Variants in TTC7B observed in about 807,000 individuals in gnomAD.
The protein encoded by TTC7B is tetratricopeptide repeat protein 7B.
Under a neutral mutation model 106.8 loss-of-function variants are expected in TTC7B, and 28 were observed. That is an observed-to-expected ratio of 0.26 (90% CI 0.19 to 0.36). The LOEUF (loss-of-function observed/expected upper bound fraction) is 0.36, where lower values mean the gene tolerates loss of function less well. Ranked by LOEUF, TTC7B falls within the 10% of genes least tolerant of loss-of-function variation. TTC7B has a pLI of 1.00. For synonymous variants in TTC7B, 405 were observed against 430.6 expected (o/e 0.94, Z 0.74); for missense variants, 862 against 1,076.4 (o/e 0.80, Z 2.79).
At position 90,600,901 on chromosome 14, in the gene TTC7B, T is replaced by G. The variant is rs1178481386; in HGVS notation, c.1967-7275A>C. ...CTGAACCCTCCCTGATGCATATTCA[T>G]GAGGCTGTGTCTTGGGGTGGAAGTG... is the stretch of plus-strand genomic sequence containing the variant. On this transcript the variant is annotated intron_variant, in intron 17 of 19. Transcript: ENST00000328459. The surrounding 1 kb of genome is among the most constrained non-coding windows in gnomAD (Gnocchi z 4.3). 6.6e-6 allele frequency among the ~76,000 whole-genome samples: 1 copy of G among 152,166 alleles called. No individual in the cohort carries two copies. The highest frequency in any genetic ancestry group is 1.5e-5 in the Non-Finnish European group (1 of 68,026).
At chr14:90,613,795 G>A (rs957497664) in intron 16 of TTC7B, among the ~76,000 whole-genome samples, 1 of 152,280 alleles carries the variant, frequency 6.6e-6, no homozygotes, top group African/African-American at 2.4e-5. Flanking sequence ...TTGTAGTAGA[G>A]CGAAAGGAAA....
At chr14:90,651,250 A>T (rs916609065) in intron 13 of TTC7B, among the ~76,000 whole-genome samples, 1 of 152,266 alleles carries the variant, frequency 6.6e-6, no homozygotes, top group Non-Finnish European at 1.5e-5. Flanking sequence ...TTGAAATAAA[A>T]TGAAAAACAT....
At chr14:90,804,917 C>G (rs1050774903) in intron 1 of TTC7B, among the ~76,000 whole-genome samples, 5 of 152,192 alleles carry the variant, frequency 3.3e-5, no homozygotes, top group African/African-American at 1.2e-4. Flanking sequence ...ACCTGAACCC[C>G]TCTCTGGGGA....
chr14:90,647,888 A>G (rs1375656126), intron 13 of TTC7B, among the ~76,000 whole-genome samples: 1 of 152,180 alleles, frequency 6.6e-6, no homozygotes, highest in Non-Finnish European at 1.5e-5. Flanking sequence ...CCAGATAGTA[A>G]ACAAAACTTC....
In TTC7B at chr14:90,531,788, A is replaced by T. The variant is rs1429428450; in HGVS notation, c.*9580T>A. Reference sequence around the variant, plus strand: ...TTTGAAGTTGAAATTTTTGAAGTGAAATTGTAAAGTTGAAAGCCAGAGAAT... The same window carrying T: ...TTTGAAGTTGAAATTTTTGAAGTGATATTGTAAAGTTGAAAGCCAGAGAAT... On this transcript the variant is annotated 3_prime_UTR_variant, in exon 20 of 20. Transcript: ENST00000328459. 6.6e-6 allele frequency: 1 copy of T among 152,212 alleles called. No individual in the cohort carries two copies. Among genetic ancestry groups the T allele is most frequent in the East Asian group, 1.9e-4 (1 of 5,208 alleles). The allele number at this position is 152,212 out of a possible 1,614,324, so 9.4% of individuals were successfully genotyped here.
intron 15 of TTC7B, among the ~76,000 whole-genome samples, chr14:90,643,210 C>T (rs1885259926): frequency 1.3e-5 from 2 of 151,998 alleles, no homozygotes; most frequent in Admixed American, 1.3e-4. Context: ...AGTTCAAGGC[C>T]AGCCTGACCA....
At chr14:90,671,862 G>C (rs575126751) in intron 9 of TTC7B, among the ~76,000 whole-genome samples, 1 of 152,328 alleles carries the variant, frequency 6.6e-6, no homozygotes, top group African/African-American at 2.4e-5. Flanking sequence ...TGAGATGGGA[G>C]AGCAGCCTTC....
At chr14:90,760,186 GAGATGAC>G (rs1361541444) in intron 3 of TTC7B, among the ~76,000 whole-genome samples, 1 of 152,176 alleles carries the variant, frequency 6.6e-6, no homozygotes, top group Non-Finnish European at 1.5e-5. Flanking sequence ...GCACAGGGAA[GAGATGAC>G]TCCCAGATGG....
intron 15 of TTC7B, among the ~76,000 whole-genome samples, chr14:90,637,120 T>C (rs1230594801): frequency 2.0e-5 from 3 of 151,998 alleles, no homozygotes; most frequent in Non-Finnish European, 4.4e-5. Flanking sequence ...AGGATCCATG[T>C]AACAGACAAG....
chr14:90,809,463 T>C (rs370092529), intron 1 of TTC7B, among the ~76,000 whole-genome samples: 3 of 152,176 alleles, frequency 2.0e-5, no homozygotes, highest in East Asian at 3.9e-4. Flanking sequence ...AGGAGGAAAA[T>C]GGGTGGGAGT....
intron 17 of TTC7B, among the ~76,000 whole-genome samples, chr14:90,596,579 G>C (rs1892212966): frequency 6.6e-6 from 1 of 152,154 alleles, no homozygotes; most frequent in Admixed American, 6.5e-5. Context: ...TCTAAGTCCA[G>C]CTCTGATGCC....
chr14:90,661,314 G>C (rs1279387646), intron 9 of TTC7B, among the ~76,000 whole-genome samples: 1 of 152,232 alleles, frequency 6.6e-6, no homozygotes, highest in Middle Eastern at 3.2e-3. Flanking sequence ...GGCCCTCTTA[G>C]CTGCTTTGCT....
Position 90,657,412 on chromosome 14 carries a change from G to A in TTC7B, c.1237-134C>T. 1 of 711,926 alleles carries A rather than the reference G, an allele frequency of 1.4e-6. No individual in the cohort carries two copies. Among genetic ancestry groups the A allele is most frequent in the Non-Finnish European group, 2.3e-6 (1 of 438,238 alleles). The allele number at this position is 711,926 out of a possible 1,614,324, so 44.1% of individuals were successfully genotyped here. ...CCAACTTTAAGCCCAAGCAAGCGGG[G>A]GCCTGAGGTGCATGAAAACCAGAGC... On this transcript the variant is annotated intron_variant, in intron 10 of 19. Coordinates refer to ENST00000328459, the MANE Select transcript of TTC7B (RefSeq NM_001010854.2). The surrounding 1 kb of genome is among the most constrained non-coding windows in gnomAD (Gnocchi z 4.2).
At chr14:90,809,343 C>T (rs941158887) in intron 1 of TTC7B, among the ~76,000 whole-genome samples, 1 of 152,274 alleles carries the variant, frequency 6.6e-6, no homozygotes, top group Non-Finnish European at 1.5e-5. Context: ...AATTCACATG[C>T]TTGCACTTCA....
chr14:90,686,414 T>C (rs768932815), intron 7 of TTC7B, among the ~76,000 whole-genome samples: 12 of 152,210 alleles, frequency 7.9e-5, no homozygotes, highest in Non-Finnish European at 1.6e-4. Context: ...AGATCAGGAA[T>C]GAGACAAGGA....
At chr14:90,797,746 G>C (rs1387883805) in intron 1 of TTC7B, among the ~76,000 whole-genome samples, 1 of 152,158 alleles carries the variant, frequency 6.6e-6, no homozygotes, top group Admixed American at 6.5e-5. Context: ...GCAATCTTCA[G>C]CACAAAGATG....
chr14:90,713,092 A>G (rs1025334276), intron 5 of TTC7B, among the ~76,000 whole-genome samples: 1 of 152,206 alleles, frequency 6.6e-6, no homozygotes, highest in African/African-American at 2.4e-5. Context: ...AGTTTTGAAC[A>G]GACATTTCAC....
In TTC7B at chr14:90,564,241, C is replaced by T. The variant is rs80337948; in HGVS notation, c.2310+13865G>A. Among the ~76,000 whole-genome samples the T allele has an allele frequency of 2.0e-3, 303 of 152,254 alleles. 2 individuals are homozygous for T. The highest frequency in any genetic ancestry group is 7.1e-3 in the African/African-American group (296 of 41,530). On this transcript the variant is annotated intron_variant, in intron 19 of 19. Coordinates refer to ENST00000328459, the MANE Select transcript of TTC7B (RefSeq NM_001010854.2). ...ATCTCCTTGTACAACTCCAGCAGAGCTCTTGGGTAACCAAGTACATTGTCA... is the reference window on the plus strand; with the variant it reads ...ATCTCCTTGTACAACTCCAGCAGAGTTCTTGGGTAACCAAGTACATTGTCA...
intron 3 of TTC7B, among the ~76,000 whole-genome samples, chr14:90,750,188 C>T (rs964591715): frequency 5.9e-5 from 9 of 152,132 alleles, no homozygotes; most frequent in African/African-American, 1.2e-4. Flanking sequence ...TGCTCACTTG[C>T]GCAAAATTAA....
Sources: allele counts gnomAD v4.1 joint callset (sites outside exome capture counted in the v4.1 genomes callset), GRCh38; gene constraint gnomAD v4.1.1; non-coding constraint Gnocchi (gnomAD v3.1); transcripts MANE v1.5; gene names NCBI Gene and HGNC (gene_info 2026-07-23, HGNC 2026-07-21).